FRMD4B: variants seen among roughly 807,000 people sequenced by gnomAD.
FRMD4B encodes the protein FERM domain containing 4B.
FRMD4B carries 74 observed loss-of-function variants against 141.5 expected under a neutral mutation model. That is an observed-to-expected ratio of 0.52 (90% CI 0.43 to 0.63). The LOEUF (loss-of-function observed/expected upper bound fraction) is 0.63. Among genes scored for constraint, FRMD4B ranks in the 30% least tolerant of loss-of-function variants. The pLI, the probability that FRMD4B is intolerant of heterozygous loss-of-function variation, is 0.00. For synonymous variants in FRMD4B, 506 were observed against 467.9 expected (o/e 1.08, Z -1.05); for missense variants, 1,366 against 1,253.4 (o/e 1.09, Z -1.36).
At chr3:69,481,664 A>G (rs1706127212) in intron 1 of FRMD4B, among the ~76,000 whole-genome samples, 2 of 152,140 alleles carry the variant, frequency 1.3e-5, no homozygotes, top group African/African-American at 2.4e-5. Flanking sequence ...GACTTTTCCT[A>G]TAAGGAGGAA....
intron 1 of FRMD4B, among the ~76,000 whole-genome samples, chr3:69,489,859 T>A (rs1267462831): frequency 6.6e-6 from 1 of 152,156 alleles, no homozygotes; most frequent in African/African-American, 2.4e-5. Context: ...AATGGGTAAA[T>A]AAAATGTGAT....
At chr3:69,392,512 G>A (rs544997626) in intron 2 of FRMD4B, among the ~76,000 whole-genome samples, 1 of 152,130 alleles carries the variant, frequency 6.6e-6, no homozygotes, top group Non-Finnish European at 1.5e-5. Context: ...ATGCTTGATG[G>A]TTGGGGGACC....
chr3:69,336,296 A>G (rs1262438628), intron 1 of FRMD4B, among the ~76,000 whole-genome samples: 1 of 152,132 alleles, frequency 6.6e-6, no homozygotes, highest in Non-Finnish European at 1.5e-5. Context: ...AGGAATAGAG[A>G]GTGGCACCCG....
rs150182637 is a variant in FRMD4B, at chr3:69,303,436, T to C, written c.324-1001A>G. Among the ~76,000 whole-genome samples, 201 of 152,204 alleles carry C rather than the reference T, an allele frequency of 1.3e-3. 1 individual carries two copies. Among genetic ancestry groups the C allele is most frequent in the South Asian group, 4.1e-3 (20 of 4,824 alleles). On this transcript the variant is annotated intron_variant, in intron 3 of 22. Transcript: ENST00000398540. ...ATGCATAACAGCAAGTATATGGCGA[T>C]TTTAAAAATTAAACAAAGAACAAAC...
At chr3:69,186,255 T>G (rs2092766430) in intron 19 of FRMD4B, among the ~76,000 whole-genome samples, 1 of 147,064 alleles carries the variant, frequency 6.8e-6, no homozygotes, top group Non-Finnish European at 1.5e-5. Context: ...CCTTTTTTTT[T>G]TTTTTTTTGA....
chr3:69,533,289 AC>A (rs1264036423), intron 1 of FRMD4B, among the ~76,000 whole-genome samples: 2 of 152,214 alleles, frequency 1.3e-5, no homozygotes, highest in East Asian at 1.9e-4. Flanking sequence ...GTCAAGGACA[AC>A]AAAAAGCAGA....
chr3:69,335,913 C>T (rs916484150), intron 1 of FRMD4B, among the ~76,000 whole-genome samples: 6 of 151,458 alleles, frequency 4.0e-5, no homozygotes, highest in South Asian at 2.1e-4. Context: ...AGTAGAGACA[C>T]GCTTTCACCA....
chr3:69,231,648 GT>G (rs2093306500), intron 7 of FRMD4B, among the ~76,000 whole-genome samples: 1 of 152,194 alleles, frequency 6.6e-6, no homozygotes, highest in African/African-American at 2.4e-5. Flanking sequence ...ATTATTCTAT[GT>G]GATATAATTC....
rs1575816862 is a variant in FRMD4B, at chr3:69,478,648, G to C, written c.-128-45887C>G. ...AACTATGTGGTCAATTTAGGAATAG[G>C]TGTGGTGTGGTGCTGAAAAAAGTGT... On this transcript the variant is annotated intron_variant, in intron 1 of 5. Coordinates refer to the FRMD4B transcript ENST00000459638. 2.0e-5 allele frequency among the ~76,000 whole-genome samples: 3 copies of C among 152,286 alleles called. No homozygotes were observed. The South Asian group carries it at 6.2e-4, about 32-fold the overall frequency.
chr3:69,286,392 T>C (rs1327688853), intron 5 of FRMD4B, among the ~76,000 whole-genome samples: 2 of 152,184 alleles, frequency 1.3e-5, no homozygotes, highest in Admixed American at 1.3e-4. Context: ...GAAATGGAAG[T>C]ATACTACTGT....
chr3:69,476,281 G>A (rs963912773), intron 1 of FRMD4B, among the ~76,000 whole-genome samples: 1,756 of 152,070 alleles, frequency 0.012, 25 homozygotes, highest in Non-Finnish European at 0.014. Flanking sequence ...CCTTGCCCAT[G>A]CCTATGTCCT....
At chr3:69,506,887 T>C (rs1268092074) in intron 1 of FRMD4B, among the ~76,000 whole-genome samples, 2 of 152,194 alleles carry the variant, frequency 1.3e-5, no homozygotes, top group African/African-American at 4.8e-5. Context: ...CAGTGCACAC[T>C]GCGGTGACGA....
intron 1 of FRMD4B, among the ~76,000 whole-genome samples, chr3:69,443,710 T>C (rs1705371771): frequency 6.6e-6 from 1 of 152,220 alleles, no homozygotes; most frequent in Non-Finnish European, 1.5e-5. Flanking sequence ...CATTCCTGGG[T>C]GTAGGCCAAG....
chr3:69,293,576 A>T (rs1424996382), intron 4 of FRMD4B, among the ~76,000 whole-genome samples: 2 of 152,068 alleles, frequency 1.3e-5, no homozygotes, highest in Non-Finnish European at 2.9e-5. Context: ...TAACTGTAAC[A>T]ACCAGAATAA....
intron 7 of FRMD4B, among the ~76,000 whole-genome samples, chr3:69,238,308 C>T (rs893529764): frequency 6.6e-6 from 1 of 152,194 alleles, no homozygotes; most frequent in African/African-American, 2.4e-5. Context: ...TACGGTTTGG[C>T]CTTTAGAACT....
intron 1 of FRMD4B, among the ~76,000 whole-genome samples, chr3:69,503,986 C>T (rs1322804091): frequency 5.9e-5 from 9 of 152,072 alleles, no homozygotes; most frequent in Admixed American, 5.9e-4. Context: ...CGATTATTGT[C>T]ATAAAAGGAA....
At chr3:69,348,068 A>C (rs1167922449) in intron 1 of FRMD4B, among the ~76,000 whole-genome samples, 2 of 151,270 alleles carry the variant, frequency 1.3e-5, no homozygotes, top group Non-Finnish European at 3.0e-5. Context: ...AAGATCAACA[A>C]AATTGATAGA....
chr3:69,491,392 A>G (rs1421186833), intron 1 of FRMD4B, among the ~76,000 whole-genome samples: 2 of 152,226 alleles, frequency 1.3e-5, no homozygotes, highest in African/African-American at 4.8e-5. Context: ...AAAGAAAAAG[A>G]TAAGATGAGA....
At chr3:69,310,575 C>A in intron 3 of FRMD4B, 1 of 256,028 alleles carries the variant, frequency 3.9e-6, no homozygotes, top group Non-Finnish European at 7.9e-6. Flanking sequence ...CACACACACA[C>A]ACACACAGAG....
Sources: allele counts gnomAD v4.1 joint callset (sites outside exome capture counted in the v4.1 genomes callset), GRCh38; gene constraint gnomAD v4.1.1; transcripts MANE v1.5; gene names NCBI Gene and HGNC (gene_info 2026-07-23, HGNC 2026-07-21).